CDH4: variants seen among roughly 807,000 people sequenced by gnomAD.
CDH4 encodes cadherin 4.
CDH4 carries 33 observed loss-of-function variants against 86.0 expected under a neutral mutation model. The ratio of observed to expected loss-of-function variants is 0.38; its 90% CI spans 0.29 to 0.51. The LOEUF (loss-of-function observed/expected upper bound fraction) is 0.51, where lower values mean the gene tolerates loss of function less well. Ranked by LOEUF, CDH4 falls within the 20% of genes least tolerant of loss-of-function variation. CDH4 has a pLI of 0.86. For synonymous variants in CDH4, 555 were observed against 549.4 expected, an observed-to-expected ratio of 1.01 and a Z score of -0.14; for missense variants, 1,114 against 1,307.4, an observed-to-expected ratio of 0.85 and a Z score of 2.28.
chr20:61,443,009 A>G (rs575009938), intron 2 of CDH4, among the ~76,000 whole-genome samples: 2 of 152,184 alleles, frequency 1.3e-5, no homozygotes, highest in Non-Finnish European at 2.9e-5. Flanking sequence ...TGTGAATCAC[A>G]ATGTCTTTAG....
chr20:61,674,899 G>T (rs1489431415), intron 2 of CDH4, among the ~76,000 whole-genome samples: 1 of 152,206 alleles, frequency 6.6e-6, no homozygotes, highest in East Asian at 1.9e-4. Context: ...AGTTTTATTG[G>T]CACACAGCCA....
rs149327526 is a variant in CDH4 at position 61,810,095 on chromosome 20, C to T, written c.577-34573C>T. Among the ~76,000 whole-genome samples, 1,778 of 152,270 alleles carry T rather than the reference C, an allele frequency of 0.012. 12 individuals carry two copies. The highest frequency in any genetic ancestry group is 0.027 in the Middle Eastern group (8 of 294). On this transcript the variant is annotated intron_variant, in intron 4 of 15. Coordinates refer to ENST00000614565, the MANE Select transcript of CDH4 (RefSeq NM_001794.5). This position sits in a 1 kb window ranked among gnomAD's most constrained non-coding sequence, Gnocchi z 4.3. ...CTCACACATCCAGAGGTTTGGCTAG[C>T]GTTGGTCAGACCTGGACGGGCCTCA... is the stretch of plus-strand genomic sequence containing the variant.
chr20:61,622,860 T>A (rs1206009866), intron 2 of CDH4, among the ~76,000 whole-genome samples: 2 of 152,130 alleles, frequency 1.3e-5, no homozygotes, highest in East Asian at 3.9e-4. Context: ...CAGCTGAGAA[T>A]CCCTGCATTT....
intron 2 of CDH4, among the ~76,000 whole-genome samples, chr20:61,563,291 T>C (rs1287858459): frequency 6.6e-6 from 1 of 152,216 alleles, no homozygotes; most frequent in Admixed American, 6.5e-5. Context: ...GCACTCACCA[T>C]GTTAGCAATC....
intron 4 of CDH4, among the ~76,000 whole-genome samples, chr20:61,784,021 T>C (rs62204659): frequency 0.089 from 215 of 2,414 alleles, 22 homozygotes; most frequent in East Asian, 0.25. Flanking sequence ...CCCAGTTCCT[T>C]GGGACAGTTC....
Position 61,377,874 on chromosome 20 carries a change from G to A in CDH4, c.169+122937G>A, listed in dbSNP as rs551586631. On this transcript the variant is annotated intron_variant, in intron 2 of 15. Transcript: ENST00000614565. The surrounding 1 kb of genome is among the most constrained non-coding windows in gnomAD (Gnocchi z 4.0). Reference sequence around the variant, plus strand: ...GATCAATGCAGCCCTGCCAATTAGCGGGGAATTAGCTCACACATCCCTTCA... The same window carrying A: ...GATCAATGCAGCCCTGCCAATTAGCAGGGAATTAGCTCACACATCCCTTCA... Among the ~76,000 whole-genome samples the A allele has an allele frequency of 1.7e-4, 26 of 152,320 alleles. No individual in the cohort carries two copies. In the South Asian group the frequency reaches 1.9e-3, roughly 11 times the overall value.
At chr20:61,912,142 G>C (rs1363229466) in intron 9 of CDH4, among the ~76,000 whole-genome samples, 1 of 152,174 alleles carries the variant, frequency 6.6e-6, no homozygotes, top group African/African-American at 2.4e-5. Flanking sequence ...AAAAAGGGGG[G>C]AAGAATGGCT....
intron 2 of CDH4, among the ~76,000 whole-genome samples, chr20:61,385,004 C>T (rs538699165): frequency 1.3e-4 from 20 of 152,292 alleles, no homozygotes; most frequent in Admixed American, 4.6e-4. Context: ...AATCTTCCTA[C>T]GATGAGGATG....
intron 4 of CDH4, among the ~76,000 whole-genome samples, chr20:61,781,933 C>T (rs760136336): frequency 3.9e-5 from 6 of 152,304 alleles, no homozygotes; most frequent in South Asian, 2.1e-4. Context: ...TGCAGGCACA[C>T]GCCAACAGAA....
At chr20:61,841,835 C>A (rs1982191917) in intron 4 of CDH4, among the ~76,000 whole-genome samples, 1 of 152,144 alleles carries the variant, frequency 6.6e-6, no homozygotes, top group Non-Finnish European at 1.5e-5. Flanking sequence ...CGTGAGCAGC[C>A]CCCTATTGGC....
rs2085047260 is a variant in CDH4, at chr20:61,401,112, G to A, written c.169+146175G>A. 2.6e-5 allele frequency among the ~76,000 whole-genome samples: 4 copies of A among 152,156 alleles called. No homozygotes were observed. The South Asian group carries it at 8.3e-4, about 32-fold the overall frequency. ...CTCTCCAGCCTCATGCTCATCACTG[G>A]GCAGACGTACTGTCCTTGGCAGACT... On this transcript the variant is annotated intron_variant, in intron 2 of 15. Transcript: ENST00000614565.
chr20:61,479,308 G>A lies in CDH4; in HGVS notation c.169+224371G>A, dbSNP rs376217675. The stretch of plus-strand genomic sequence containing the variant: ...GTTGGTGTGCTGCACCCATTAACTC[G>A]TCACTTAACATTAGGTATATCTCCT... On this transcript the variant is annotated intron_variant, in intron 2 of 15. Coordinates refer to ENST00000614565, the MANE Select transcript of CDH4 (RefSeq NM_001794.5). Among the ~76,000 whole-genome samples the A allele has an allele frequency of 5.9e-5, 9 of 151,868 alleles. No individual in the cohort carries two copies. The East Asian group carries it at 1.4e-3, about 23-fold the overall frequency.
At chr20:61,511,235 G>A (rs188560472) in intron 2 of CDH4, among the ~76,000 whole-genome samples, 38 of 152,322 alleles carry the variant, frequency 2.5e-4, no homozygotes, top group Admixed American at 1.8e-3. Context: ...GAATGTGTGC[G>A]CGTTAGAATC....
chr20:61,790,815 TCCAC>T lies in CDH4; in HGVS notation c.576+17647_576+17650del, dbSNP rs931109876. On this transcript the variant is annotated intron_variant, in intron 4 of 15. Coordinates refer to ENST00000614565, the MANE Select transcript of CDH4 (RefSeq NM_001794.5). ...ATTCATTCATCCACCCATCCATCCA[TCCAC>T]CCACCCACCCACCATCCATCCATTC... is the stretch of plus-strand genomic sequence containing the variant. 2.7e-4 allele frequency among the ~76,000 whole-genome samples: 37 copies of T among 135,662 alleles called. 1 individual carries two copies. The highest frequency in any genetic ancestry group is 1.1e-3 in the African/African-American group (30 of 27,776). 89.0% of individuals were successfully genotyped at this position (135,662 alleles called of 152,430 possible).
intron 2 of CDH4, among the ~76,000 whole-genome samples, chr20:61,463,519 A>G (rs977762714): frequency 6.6e-6 from 1 of 152,246 alleles, no homozygotes; most frequent in Non-Finnish European, 1.5e-5. Context: ...TGTCCACACC[A>G]TGCATGCTTC....
At chr20:61,511,322 G>A (rs937446771) in intron 2 of CDH4, among the ~76,000 whole-genome samples, 6 of 152,338 alleles carry the variant, frequency 3.9e-5, no homozygotes, top group South Asian at 2.1e-4. Flanking sequence ...GTCGTCTTAC[G>A]TTTTCTGCAT....
In CDH4 at chr20:61,885,444, G is replaced by A. The variant is rs139682542; in HGVS notation, c.1051-9466G>A. On this transcript the variant is annotated intron_variant, in intron 7 of 15. Transcript: ENST00000614565. ...CTGGTGTCTCTCACCGAGCGTCACCGTGGTAGTTCGTGTCTGCGTTTCATG... is the reference window on the plus strand; with the variant it reads ...CTGGTGTCTCTCACCGAGCGTCACCATGGTAGTTCGTGTCTGCGTTTCATG... Among the ~76,000 whole-genome samples, 85 of 152,312 alleles carry A rather than the reference G, an allele frequency of 5.6e-4. 1 individual carries two copies. Among genetic ancestry groups the A allele is most frequent in the African/African-American group, 1.6e-3 (67 of 41,560 alleles).
At chr20:61,507,838 GA>G (rs1263218287) in intron 2 of CDH4, among the ~76,000 whole-genome samples, 1 of 152,196 alleles carries the variant, frequency 6.6e-6, no homozygotes, top group East Asian at 1.9e-4. Context: ...ACTAAGGTAA[GA>G]TGTAAACAGC....
intron 7 of CDH4, among the ~76,000 whole-genome samples, chr20:61,874,481 T>C (rs946518943): frequency 2.4e-4 from 37 of 152,084 alleles, no homozygotes; most frequent in South Asian, 2.1e-4. Flanking sequence ...GACAGAGGCC[T>C]CCCTCCACCC....
Sources: gnomAD v4.1 joint callset for allele counts (sites outside exome capture counted in the v4.1 genomes callset) on GRCh38, gnomAD v4.1.1 for gene constraint, Gnocchi (gnomAD v3.1) non-coding constraint, MANE v1.5 for transcripts, NCBI Gene and HGNC (gene_info 2026-07-23, HGNC 2026-07-21) for gene names.